Variants in DIAPH3 observed in about 807,000 individuals in gnomAD.
DIAPH3 encodes the protein protein diaphanous homolog 3.
DIAPH3 carries 117 observed loss-of-function variants against 144.3 expected under a neutral mutation model. The ratio of observed to expected loss-of-function variants is 0.81; its 90% CI spans 0.70 to 0.95. The LOEUF (loss-of-function observed/expected upper bound fraction) is 0.95, where lower values mean the gene tolerates loss of function less well. Among genes scored for constraint, DIAPH3 ranks in the 40% least tolerant of loss-of-function variants. The probability of loss-of-function intolerance (pLI) is 0.00; values close to 1 mark genes in which losing one functional copy is unlikely to be tolerated. For synonymous variants in DIAPH3, 519 were observed against 488.9 expected, an observed-to-expected ratio of 1.06 and a Z score of -0.81; for missense variants, 1,421 against 1,412.7, an observed-to-expected ratio of 1.01 and a Z score of -0.09.
At chr13:60,093,757 C>T (rs1184069052) in intron 3 of DIAPH3, 25 bp from the exon 4 acceptor site, 1 of 1,489,718 alleles carries the variant, frequency 6.7e-7, no homozygotes, top group Non-Finnish European at 9.4e-7. Flanking sequence ...TAAAATGCCT[C>T]ATTTTAGAAT....
At chr13:59,721,911 G>A (rs1446264927) in intron 27 of DIAPH3, among the ~76,000 whole-genome samples, 1 of 152,142 alleles carries the variant, frequency 6.6e-6, no homozygotes, top group East Asian at 1.9e-4. Flanking sequence ...AGCAGCTTCT[G>A]GGCACCACCA....
intron 9 of DIAPH3, among the ~76,000 whole-genome samples, chr13:59,993,665 A>G (rs1054546453): frequency 6.8e-6 from 1 of 147,108 alleles, no homozygotes; most frequent in Admixed American, 7.0e-5. Context: ...GGGAATGGGA[A>G]ATATGTCAGA....
chr13:60,063,950 T>C (rs2056864446), intron 4 of DIAPH3, among the ~76,000 whole-genome samples: 1 of 152,010 alleles, frequency 6.6e-6, no homozygotes, highest in Non-Finnish European at 1.5e-5. Flanking sequence ...GACATTACTC[T>C]CCTTATACCT....
intron 5 of DIAPH3, among the ~76,000 whole-genome samples, chr13:60,034,309 T>G (rs2055033659): frequency 6.6e-6 from 1 of 152,242 alleles, no homozygotes; most frequent in African/African-American, 2.4e-5. Context: ...GTTTATTATA[T>G]TCTACCTTTA....
At chr13:60,122,677 C>T (rs892272022) in intron 2 of DIAPH3, among the ~76,000 whole-genome samples, 1 of 152,108 alleles carries the variant, frequency 6.6e-6, no homozygotes, top group South Asian at 2.1e-4. Context: ...AGGGAGAATG[C>T]CAGGTGTTAT....
chr13:59,862,515 C>T (rs1593726985), intron 21 of DIAPH3, among the ~76,000 whole-genome samples: 1 of 151,882 alleles, frequency 6.6e-6, no homozygotes, highest in South Asian at 2.1e-4. Context: ...GAAATGGGGA[C>T]AATGAGACCA....
At chr13:59,693,585 A>G (rs1306406390) in intron 27 of DIAPH3, among the ~76,000 whole-genome samples, 1 of 152,196 alleles carries the variant, frequency 6.6e-6, no homozygotes, top group Non-Finnish European at 1.5e-5. Context: ...ATGGAAACTC[A>G]TTGCGGAACA....
rs770391478 is a variant in DIAPH3 at position 59,666,737 on chromosome 13, A to T, written c.3429T>A (p.His1143Gln). 1 of 1,614,134 alleles carries T rather than the reference A, an allele frequency of 6.2e-7. No homozygotes were observed. Among genetic ancestry groups the T allele is most frequent in the East Asian group, 2.2e-5 (1 of 44,874 alleles). ...CTGCCTTGATCCTCCCAGTAGACGTATGAGTGTCTAGATTATAATTAAGCT... is the reference window on the plus strand; with the variant it reads ...CTGCCTTGATCCTCCCAGTAGACGTTTGAGTGTCTAGATTATAATTAAGCT... ...AKELNYNLDT[H>Q]TSTGRIKAAE... The change falls in exon 28 of 28, where the codon CAT becomes CAA. Residue 1143 changes from histidine to glutamine, a missense_variant. Transcript: ENST00000400324.
At chr13:59,856,898 G>GT (rs1169854836) in intron 22 of DIAPH3, among the ~76,000 whole-genome samples, 3 of 139,436 alleles carry the variant, frequency 2.2e-5, no homozygotes, top group Non-Finnish European at 4.7e-5. Flanking sequence ...GCAGATATTG[G>GT]TAAAAAAAAA....
At chr13:59,852,160 A>G (rs931384009) in intron 22 of DIAPH3, among the ~76,000 whole-genome samples, 2 of 152,214 alleles carry the variant, frequency 1.3e-5, no homozygotes, top group Non-Finnish European at 2.9e-5. Flanking sequence ...TCACAGTGGT[A>G]GACACTTATA....
chr13:59,977,263 T>G (rs1418267845), intron 14 of DIAPH3, among the ~76,000 whole-genome samples: 1 of 151,748 alleles, frequency 6.6e-6, no homozygotes, highest in Non-Finnish European at 1.5e-5. Context: ...TGGGGAATGA[T>G]TCCTGGAGGA....
At chr13:60,131,681 T>G (rs2059147003) in intron 2 of DIAPH3, among the ~76,000 whole-genome samples, 2 of 152,156 alleles carry the variant, frequency 1.3e-5, no homozygotes, top group Admixed American at 6.5e-5. Context: ...TGACGTTTCT[T>G]TTAAGGTTGA....
At chr13:60,006,127 C>A (rs946705164) in intron 9 of DIAPH3, among the ~76,000 whole-genome samples, 12 of 152,152 alleles carry the variant, frequency 7.9e-5, no homozygotes, top group Admixed American at 4.6e-4. Context: ...CCTTCAAGTT[C>A]ATACTCATCA....
At chr13:59,808,012 TATGA>T (rs1334523740) in intron 25 of DIAPH3, among the ~76,000 whole-genome samples, 4 of 151,796 alleles carry the variant, frequency 2.6e-5, no homozygotes, top group Non-Finnish European at 4.4e-5. Flanking sequence ...ATATCAAATA[TATGA>T]TTAAGGGAAG....
At chr13:59,999,241 C>T (rs940604262) in intron 9 of DIAPH3, among the ~76,000 whole-genome samples, 26 of 151,872 alleles carry the variant, frequency 1.7e-4, no homozygotes, top group Admixed American at 4.6e-4. Context: ...AGTGATTATC[C>T]CTCACTTAAG....
chr13:59,839,737 C>T (rs917198807), intron 22 of DIAPH3, among the ~76,000 whole-genome samples: 1 of 152,098 alleles, frequency 6.6e-6, no homozygotes, highest in African/African-American at 2.4e-5. Context: ...ATTGGAAATA[C>T]TACAAAATCA....
chr13:60,161,715 A>G (rs1178390359), intron 1 of DIAPH3, among the ~76,000 whole-genome samples: 1 of 152,258 alleles, frequency 6.6e-6, no homozygotes, highest in African/African-American at 2.4e-5. Flanking sequence ...TAGACAGCCC[A>G]GGTTGCAAAC....
intron 3 of DIAPH3, among the ~76,000 whole-genome samples, chr13:60,098,706 G>A (rs1049654177): frequency 6.6e-6 from 1 of 151,794 alleles, no homozygotes; most frequent in Admixed American, 6.6e-5. Context: ...TCAAACACAG[G>A]TCAGTAAAAC....
At chr13:59,925,007 C>A in intron 17 of DIAPH3, 137 bp from the exon 18 acceptor site, 1 of 1,402,966 alleles carries the variant, frequency 7.1e-7, no homozygotes, top group Non-Finnish European at 9.4e-7. Flanking sequence ...ACAAATAAAA[C>A]GATAGATATC....
Sources: allele counts gnomAD v4.1 joint callset (sites outside exome capture counted in the v4.1 genomes callset), GRCh38; gene constraint gnomAD v4.1.1; transcripts MANE v1.5; gene names NCBI Gene and HGNC (gene_info 2026-07-23, HGNC 2026-07-21).